DNAJC3: variants seen among roughly 807,000 people sequenced by gnomAD.
DNAJC3 encodes dnaJ homolog subfamily C member 3.
Under a neutral mutation model 68.6 loss-of-function variants are expected in DNAJC3, and 38 were observed. The observed-to-expected ratio is 0.55, with a 90% CI of 0.43 to 0.73. The LOEUF is 0.73. Among genes scored for constraint, DNAJC3 ranks in the 30% least tolerant of loss-of-function variants. The pLI, the probability that DNAJC3 is intolerant of heterozygous loss-of-function variation, is 0.00. For missense variants in DNAJC3, 526 were observed against 591.9 expected (o/e 0.89, Z 1.16); for synonymous variants, 203 against 204.0 (o/e 1.00, Z 0.04).
chr13:95,721,312 C>T (rs1025625598), intron 2 of DNAJC3, among the ~76,000 whole-genome samples: 7 of 152,164 alleles, frequency 4.6e-5, no homozygotes, highest in African/African-American at 9.7e-5. Context: ...TCCATTCATC[C>T]ACTGATGGAC....
chr13:95,769,293 C>T (rs573321517), intron 9 of DNAJC3, among the ~76,000 whole-genome samples: 2 of 152,282 alleles, frequency 1.3e-5, no homozygotes, highest in East Asian at 3.9e-4. Flanking sequence ...AGAGACCATT[C>T]CCTCTAGCAG....
intron 1 of DNAJC3, among the ~76,000 whole-genome samples, chr13:95,683,249 C>G (rs1418097199): frequency 6.6e-6 from 1 of 152,000 alleles, no homozygotes; most frequent in Admixed American, 6.5e-5. Context: ...TCAAGATATA[C>G]ATGTGCAGGT....
At chr13:95,754,315 TCA>T (rs1882584592) in intron 4 of DNAJC3, among the ~76,000 whole-genome samples, 1 of 152,136 alleles carries the variant, frequency 6.6e-6, no homozygotes, top group Non-Finnish European at 1.5e-5. Flanking sequence ...CTCTCACATG[TCA>T]CAACATGGCA....
At chr13:95,685,724 G>C (rs576332819) in intron 1 of DNAJC3, among the ~76,000 whole-genome samples, 1 of 152,020 alleles carries the variant, frequency 6.6e-6, no homozygotes, top group Non-Finnish European at 1.5e-5. Context: ...GTTTTCCATA[G>C]TGGTTGAACT....
intron 4 of DNAJC3, among the ~76,000 whole-genome samples, chr13:95,732,604 GT>G (rs1881748635): frequency 6.6e-6 from 1 of 151,506 alleles, no homozygotes; most frequent in African/African-American, 2.4e-5. Context: ...TTATCAATTT[GT>G]TTATCTTTTC....
At chr13:95,677,410 G>C (rs1879787530) in intron 1 of DNAJC3, 73 bp downstream of exon 1, 1 of 1,468,240 alleles carries the variant, frequency 6.8e-7, no homozygotes, top group Non-Finnish European at 9.2e-7. Flanking sequence ...GTCTGCGCCC[G>C]GGCGCCTGTC....
intron 4 of DNAJC3, among the ~76,000 whole-genome samples, chr13:95,734,951 C>T (rs1230588883): frequency 1.2e-4 from 17 of 144,288 alleles, no homozygotes; most frequent in Non-Finnish European, 2.0e-4. Context: ...GTATATCTCC[C>T]GATGCTATCC....
intron 2 of DNAJC3, among the ~76,000 whole-genome samples, chr13:95,710,594 TCTTTA>T (rs1880923883): frequency 6.6e-6 from 1 of 152,160 alleles, no homozygotes; most frequent in Admixed American, 6.5e-5. Context: ...TCCTCAGAGT[TCTTTA>T]CTTATATATT....
chr13:95,738,090 C>T (rs1008434342), intron 4 of DNAJC3, among the ~76,000 whole-genome samples: 2 of 148,718 alleles, frequency 1.3e-5, no homozygotes, highest in Non-Finnish European at 3.0e-5. Flanking sequence ...ACCCAGTAGT[C>T]ATTCAGGAGC....
intron 9 of DNAJC3, among the ~76,000 whole-genome samples, chr13:95,773,249 G>A (rs1883205694): frequency 6.8e-6 from 1 of 148,012 alleles, no homozygotes. Flanking sequence ...ATGACTCACT[G>A]CAGCCTCGAC....
chr13:95,773,731 C>CTTTTTTTTTTTTTT (rs143145399), intron 9 of DNAJC3, among the ~76,000 whole-genome samples: 2 of 71,334 alleles, frequency 2.8e-5, no homozygotes, highest in Non-Finnish European at 5.0e-5. Context: ...TTTTGTTGGT[C>CTTTTTTTTTTTTTT]TTTTTTTTTT....
intron 1 of DNAJC3, among the ~76,000 whole-genome samples, chr13:95,705,978 C>A (rs548053069): frequency 1.3e-5 from 2 of 152,192 alleles, no homozygotes; most frequent in Non-Finnish European, 2.9e-5. Flanking sequence ...GGATCCCTCT[C>A]TCTTATTATG....
chr13:95,781,711 A>C (rs577789879), intron 9 of DNAJC3, among the ~76,000 whole-genome samples: 8 of 151,868 alleles, frequency 5.3e-5, no homozygotes, highest in African/African-American at 1.9e-4. Flanking sequence ...GCTAATACGC[A>C]ACATGGTATT....
chr13:95,723,188 TA>T, intron 2 of DNAJC3, 53 bp from the exon 3 acceptor site: 1 of 1,514,542 alleles, frequency 6.6e-7, no homozygotes, highest in South Asian at 1.3e-5. Flanking sequence ...TGTTTTTTTT[TA>T]AATTTTTATT....
intron 4 of DNAJC3, among the ~76,000 whole-genome samples, chr13:95,736,050 TTTTCCCAGCACC>T (rs1344098194): frequency 2.4e-4 from 36 of 152,146 alleles, no homozygotes; most frequent in Admixed American, 2.4e-3. Flanking sequence ...GGCTAGCCAG[TTTTCCCAGCACC>T]ATTTATTGAA....
intron 9 of DNAJC3, among the ~76,000 whole-genome samples, chr13:95,771,406 A>G (rs911645572): frequency 6.6e-6 from 1 of 151,904 alleles, no homozygotes; most frequent in Non-Finnish European, 1.5e-5. Flanking sequence ...GGGGAGAGAG[A>G]TTGGGTTTGA....
At chr13:95,682,220 C>T (rs1879932264) in intron 1 of DNAJC3, among the ~76,000 whole-genome samples, 1 of 152,220 alleles carries the variant, frequency 6.6e-6, no homozygotes. Context: ...TTCTTTTAGA[C>T]TCTACCCCAC....
At chr13:95,745,535 A>G (rs559873932) in intron 4 of DNAJC3, 2 of 152,352 alleles carry the variant, frequency 1.3e-5, no homozygotes, top group African/African-American at 4.8e-5. Context: ...GCAGCTTGCT[A>G]CGTGAGTCAC....
At chr13:95,737,475 A>G (rs1310978904) in intron 4 of DNAJC3, among the ~76,000 whole-genome samples, 1 of 151,250 alleles carries the variant, frequency 6.6e-6, no homozygotes, top group East Asian at 1.9e-4. Flanking sequence ...TTGGTAAGCT[A>G]TTGATTATTG....
Sources: gnomAD v4.1 joint callset for allele counts (sites outside exome capture counted in the v4.1 genomes callset) on GRCh38, gnomAD v4.1.1 for gene constraint, MANE v1.5 for transcripts, NCBI Gene and HGNC (gene_info 2026-07-23, HGNC 2026-07-21) for gene names.